Variants in CACNB2 observed in about 807,000 individuals in gnomAD.
CACNB2 encodes calcium voltage-gated channel auxiliary subunit beta 2.
In CACNB2, 42 loss-of-function variants were observed where a neutral mutation model predicts 73.3. The observed-to-expected ratio is 0.57, with a 90% CI of 0.45 to 0.74. CACNB2 has a LOEUF of 0.74. Among genes scored for constraint, CACNB2 ranks in the 30% least tolerant of loss-of-function variants. The pLI, the probability that CACNB2 is intolerant of heterozygous loss-of-function variation, is 0.00. For synonymous variants in CACNB2, 348 were observed against 310.3 expected (o/e 1.12, Z -1.28); for missense variants, 940 against 853.0 (o/e 1.10, Z -1.27).
chr10:18,185,471 C>T (rs2034105839), intron 2 of CACNB2, among the ~76,000 whole-genome samples: 1 of 152,100 alleles, frequency 6.6e-6, no homozygotes, highest in Non-Finnish European at 1.5e-5. Context: ...TTGGCAAAAG[C>T]AAACTTGAAG....
intron 2 of CACNB2, among the ~76,000 whole-genome samples, chr10:18,183,801 C>T (rs1009223188): frequency 6.6e-6 from 1 of 151,996 alleles, no homozygotes; most frequent in Non-Finnish European, 1.5e-5. Context: ...CTATGGGTGC[C>T]CTAGGAGGCC....
chr10:18,535,033 TAA>T (rs1484331762), intron 11 of CACNB2, among the ~76,000 whole-genome samples: 1 of 152,200 alleles, frequency 6.6e-6, no homozygotes, highest in Non-Finnish European at 1.5e-5. Flanking sequence ...AGCTTCCCAA[TAA>T]AGTTTTCTCT....
At chr10:18,500,732 T>C in intron 4 of CACNB2, 80 bp from the exon 5 acceptor site, 1 of 1,407,682 alleles carries the variant, frequency 7.1e-7, no homozygotes, top group Non-Finnish European at 1.0e-6. Context: ...GCCATATTTC[T>C]CTCGACTGAA....
intron 2 of CACNB2, among the ~76,000 whole-genome samples, chr10:18,323,527 C>T (rs1375975813): frequency 2.6e-5 from 4 of 151,936 alleles, no homozygotes; most frequent in Non-Finnish European, 5.9e-5. Context: ...GAACACTCAT[C>T]GAATCATAGT....
At chr10:18,253,040 A>C (rs2037149188) in intron 2 of CACNB2, among the ~76,000 whole-genome samples, 1 of 152,222 alleles carries the variant, frequency 6.6e-6, no homozygotes, top group Non-Finnish European at 1.5e-5. Flanking sequence ...TCTGGATAGA[A>C]GTTCTAACTC....
intron 2 of CACNB2, among the ~76,000 whole-genome samples, chr10:18,391,013 T>C (rs1419222657): frequency 6.6e-6 from 1 of 152,180 alleles, no homozygotes; most frequent in Admixed American, 6.5e-5. Context: ...AAAAAATAAG[T>C]TGTAATCATA....
rs1469090939 is a variant in CACNB2, at chr10:18,506,543, A to G, written c.666A>G (p.Ser222=). The G allele has an allele frequency of 1.3e-6, 2 of 1,577,874 alleles. No individual in the cohort carries two copies. The highest frequency in any genetic ancestry group is 1.7e-6 in the Non-Finnish European group (2 of 1,147,198). The change falls in exon 6 of 14, where the codon TCA becomes TCG. Residue 222 remains serine, a synonymous_variant. Coordinates refer to ENST00000324631, the MANE Select transcript of CACNB2 (RefSeq NM_201596.3). ...GTTCCAGAAAATCAACACCTCCATC[A>G]TCTGGTAAGTAGGTGATAAATGCTG... The part of the protein sequence containing the change: ...VPSSRKSTPP[S]SAIDIDATGL...
intron 1 of CACNB2, chr10:18,141,224 G>A (rs1437991479): frequency 2.0e-6 from 3 of 1,482,170 alleles, no homozygotes; most frequent in Non-Finnish European, 2.8e-6. Context: ...TCGTGAGTCC[G>A]GGTGGGCGGG....
intron 2 of CACNB2, among the ~76,000 whole-genome samples, chr10:18,348,557 A>G (rs554011113): frequency 9.2e-5 from 14 of 152,276 alleles, no homozygotes; most frequent in African/African-American, 2.9e-4. Context: ...TCTGTCACCC[A>G]GGCTGGAGTG....
At chr10:18,327,744 A>T (rs1024959548) in intron 2 of CACNB2, among the ~76,000 whole-genome samples, 3 of 152,078 alleles carry the variant, frequency 2.0e-5, no homozygotes, top group African/African-American at 7.2e-5. Context: ...CATGTTTTCA[A>T]TGACCACATT....
intron 3 of CACNB2, among the ~76,000 whole-genome samples, chr10:18,442,132 C>G (rs775681877): frequency 1.3e-5 from 2 of 152,092 alleles, no homozygotes; most frequent in Admixed American, 6.6e-5. Context: ...GTAGTGGACA[C>G]ACCTGGTTTG....
intron 2 of CACNB2, among the ~76,000 whole-genome samples, chr10:18,383,406 G>A (rs552075205): frequency 1.3e-5 from 2 of 152,328 alleles, no homozygotes; most frequent in Admixed American, 6.5e-5. Context: ...CAAAGGCACC[G>A]TAAGAGTCTA....
intron 3 of CACNB2, among the ~76,000 whole-genome samples, chr10:18,412,963 G>A (rs557134589): frequency 4.6e-5 from 7 of 152,064 alleles, no homozygotes; most frequent in Admixed American, 1.3e-4. Flanking sequence ...ATTTTATTGT[G>A]TTGTATTTTT....
chr10:18,363,752 C>G (rs1331563391), intron 2 of CACNB2, among the ~76,000 whole-genome samples: 1 of 151,792 alleles, frequency 6.6e-6, no homozygotes, highest in Non-Finnish European at 1.5e-5. Context: ...TGGTATGGCA[C>G]CTAACCTCTC....
At chr10:18,322,488 C>G (rs1038209539) in intron 2 of CACNB2, among the ~76,000 whole-genome samples, 1 of 152,028 alleles carries the variant, frequency 6.6e-6, no homozygotes, top group African/African-American at 2.4e-5. Flanking sequence ...ACAAAACATC[C>G]CACATTTCCA....
At chr10:18,510,245 T>C (rs1589595293) in intron 6 of CACNB2, among the ~76,000 whole-genome samples, 1 of 152,236 alleles carries the variant, frequency 6.6e-6, no homozygotes, top group Non-Finnish European at 1.5e-5. Flanking sequence ...ACTCAGGCTA[T>C]GTGTGTGGAA....
At chr10:18,392,024 C>A (rs1030171448) in intron 2 of CACNB2, among the ~76,000 whole-genome samples, 2 of 150,784 alleles carry the variant, frequency 1.3e-5, no homozygotes, top group Non-Finnish European at 2.9e-5. Context: ...ATGGGGGTTA[C>A]AATTTGAAAT....
rs1219753089 is a variant in CACNB2 at position 18,195,306 on chromosome 10, G to A, written c.213+44331G>A. 2.8e-4 allele frequency among the ~76,000 whole-genome samples: 43 copies of A among 152,152 alleles called. 2 individuals carry two copies. The highest frequency in any genetic ancestry group is 2.6e-3 in the Admixed American group (40 of 15,276). On this transcript the variant is annotated intron_variant, in intron 2 of 13. Coordinates refer to ENST00000324631, the MANE Select transcript of CACNB2 (RefSeq NM_201596.3). The stretch of plus-strand genomic sequence containing the variant: ...CAGAATCAGTGCTTCAAACGGAAGC[G>A]CCCAGCACTATATTCTCATACCAGT...
At chr10:18,409,302 GAAAAAA>G (rs11386791) in intron 3 of CACNB2, among the ~76,000 whole-genome samples, 1 of 137,892 alleles carries the variant, frequency 7.3e-6, no homozygotes, top group Admixed American at 7.3e-5. Context: ...CTGTCTCCAG[GAAAAAA>G]AAAAAAAAAA....
Sources: allele counts gnomAD v4.1 joint callset (sites outside exome capture counted in the v4.1 genomes callset), GRCh38; gene constraint gnomAD v4.1.1; transcripts MANE v1.5; gene names NCBI Gene and HGNC (gene_info 2026-07-23, HGNC 2026-07-21).